MTR: variants seen among roughly 807,000 people sequenced by gnomAD.
MTR encodes the protein methionine synthase.
A neutral mutation model predicts 154.8 loss-of-function variants in MTR; 84 were observed. The ratio of observed to expected loss-of-function variants is 0.54; its 90% CI spans 0.45 to 0.65. The LOEUF (loss-of-function observed/expected upper bound fraction) is 0.65. MTR is among the 30% of genes least tolerant of loss of function. The pLI is 0.00. For synonymous variants in MTR, 554 were observed against 553.9 expected, an observed-to-expected ratio of 1.00 and a Z score of 0.00; for missense variants, 1,275 against 1,570.2, an observed-to-expected ratio of 0.81 and a Z score of 3.18.
In MTR at chr1:236,795,562, GA is replaced by G. The variant is rs769056665; in HGVS notation, c.-141del. 48 of 1,554,886 alleles carry G rather than the reference GA, an allele frequency of 3.1e-5. No homozygotes were observed. The African/African-American group carries it at 6.4e-4, about 21-fold the overall frequency. ...GGGGTCCGCAGTCCCCCCGCGACGC[GA>G]GCCAACGGGAGGCGTCAAAAGACCC... On this transcript the variant is annotated 5_prime_UTR_variant, in exon 1 of 33. Transcript: ENST00000366577.
At chr1:236,812,684 G>A in intron 5 of MTR, 54 bp from the exon 6 acceptor site, 1 of 1,394,342 alleles carries the variant, frequency 7.2e-7, no homozygotes, top group Non-Finnish European at 1.0e-6. Flanking sequence ...ATACCCTAGG[G>A]CCATTCAGAG....
In MTR at chr1:236,894,510, G is replaced by A. The variant is rs1167108696; in HGVS notation, c.3358G>A (p.Asp1120Asn). Residue 1120 changes from aspartate to asparagine, a missense_variant, in exon 30 of 33, where the codon GAC becomes AAC. Transcript: ENST00000366577. ...LSKAYEDDGD[D>N]YSSIMVKALG... ...CAAGGCCTATGAGGATGATGGTGAC[G>A]ACTACAGCAGCATCATGGTCAAGGC... is the stretch of plus-strand genomic sequence containing the variant. The A allele has an allele frequency of 3.7e-6, 6 of 1,614,012 alleles. No individual in the cohort carries two copies. Among genetic ancestry groups the A allele is most frequent in the Admixed American group, 1.7e-5 (1 of 59,998 alleles).
chr1:236,892,224 C>T (rs1312388005), intron 29 of MTR, among the ~76,000 whole-genome samples: 1 of 152,180 alleles, frequency 6.6e-6, no homozygotes, highest in African/African-American at 2.4e-5. Context: ...GTAATCCCAG[C>T]ACTTTGAGAG....
At chr1:236,847,550 T>C (rs886647203) in intron 15 of MTR, among the ~76,000 whole-genome samples, 1 of 152,264 alleles carries the variant, frequency 6.6e-6, no homozygotes, top group African/African-American at 2.4e-5. Flanking sequence ...TTGATAAAGC[T>C]ATAAATGGCA....
chr1:236,832,174 G>A, intron 13 of MTR, 96 bp downstream of exon 13: 1 of 990,076 alleles, frequency 1.0e-6, no homozygotes, highest in Admixed American at 1.9e-5. Context: ...AGTGTTATTA[G>A]CAGAGCTGCT....
chr1:236,883,322 C>T (rs762272637), intron 25 of MTR, among the ~76,000 whole-genome samples: 3 of 152,106 alleles, frequency 2.0e-5, no homozygotes, highest in Non-Finnish European at 4.4e-5. Flanking sequence ...AACTTGTTTC[C>T]GTCAAGTAAG....
intron 15 of MTR, among the ~76,000 whole-genome samples, chr1:236,843,086 CAA>C (rs563953592): frequency 1.2e-4 from 9 of 74,526 alleles, no homozygotes; most frequent in Middle Eastern, 9.1e-3. Flanking sequence ...ACTCTGTCTC[CAA>C]AAAAAAAAAA....
At chr1:236,873,678 G>T in intron 22 of MTR, 95 bp from the exon 23 acceptor site, 1 of 988,484 alleles carries the variant, frequency 1.0e-6, no homozygotes, top group South Asian at 1.3e-5. Flanking sequence ...GTTTACATTA[G>T]AGCAGTATTT....
chr1:236,878,949 C>G (rs530815685), intron 24 of MTR, among the ~76,000 whole-genome samples: 1 of 152,238 alleles, frequency 6.6e-6, no homozygotes, highest in Non-Finnish European at 1.5e-5. Flanking sequence ...GCTCAGTTCT[C>G]ATAGCCTAAG....
At chr1:236,883,350 G>A (rs1373895463) in intron 25 of MTR, among the ~76,000 whole-genome samples, 1 of 152,190 alleles carries the variant, frequency 6.6e-6, no homozygotes, top group Non-Finnish European at 1.5e-5. Context: ...GGGCCAGAAG[G>A]GGCCTGCCAC....
chr1:236,845,579 G>A (rs1572253371), intron 15 of MTR, among the ~76,000 whole-genome samples: 2 of 152,210 alleles, frequency 1.3e-5, no homozygotes, highest in African/African-American at 4.8e-5. Flanking sequence ...AACAGCATAA[G>A]GATACTGTAT....
chr1:236,813,403 T>G (rs904687811), intron 6 of MTR, among the ~76,000 whole-genome samples: 3 of 152,230 alleles, frequency 2.0e-5, no homozygotes, highest in Admixed American at 1.3e-4. Context: ...CAAGTTAAAT[T>G]GCTGAATCAA....
intron 21 of MTR, 125 bp downstream of exon 21, chr1:236,862,468 T>A (rs1664599032): frequency 1.4e-6 from 1 of 737,308 alleles, no homozygotes; most frequent in Non-Finnish European, 2.4e-6. Context: ...AGAGAAATGA[T>A]CCCACATCTC....
intron 18 of MTR, 87 bp from the exon 19 acceptor site, chr1:236,859,746 G>GT (rs978370752): frequency 4.7e-6 from 5 of 1,059,492 alleles, no homozygotes; most frequent in Non-Finnish European, 7.4e-6. Context: ...TAAGACACAG[G>GT]TTTTTTTGTT....
In MTR at chr1:236,852,524, A is replaced by G. The variant is rs1173247715; in HGVS notation, c.1699A>G (p.Thr567Ala). ...FIHATKVIKE[T>A]LPGARISGGL... The stretch of plus-strand genomic sequence containing the variant: ...CATATTTTAAAATTTTTGCCAGGAA[A>G]CATTACCTGGAGCCAGAATAAGTGG... The change falls in exon 17 of 33, where the codon ACA becomes GCA. Residue 567 changes from threonine to alanine, a missense_variant. By Grantham distance (58) the Thr-to-Ala change is moderately conservative (BLOSUM62 0). Coordinates refer to ENST00000366577, the MANE Select transcript of MTR (RefSeq NM_000254.3). The G allele has an allele frequency of 1.4e-5, 22 of 1,613,410 alleles. No homozygotes were observed. Among genetic ancestry groups the G allele is most frequent in the Non-Finnish European group, 1.8e-5 (21 of 1,179,508 alleles).
rs1032835839 is a variant in MTR, at chr1:236,901,717, G to A, written c.*4073G>A. 6.6e-6 allele frequency: 1 copy of A among 152,224 alleles called. No homozygotes were observed. The highest frequency in any genetic ancestry group is 2.4e-5 in the African/African-American group (1 of 41,440). The allele number at this position is 152,224 out of a possible 1,614,324, so 9.4% of individuals were successfully genotyped here. ...GCTTCTCATGTTCTCACAGTGGGTGGAGGGTAAGCTTGCTCTCTGGCCTCC... is the reference window on the plus strand; with the variant it reads ...GCTTCTCATGTTCTCACAGTGGGTGAAGGGTAAGCTTGCTCTCTGGCCTCC... On this transcript the variant is annotated 3_prime_UTR_variant, in exon 33 of 33. Coordinates refer to ENST00000366577, the MANE Select transcript of MTR (RefSeq NM_000254.3).
chr1:236,830,437 G>A (rs1055398948), intron 12 of MTR, among the ~76,000 whole-genome samples: 1 of 152,096 alleles, frequency 6.6e-6, no homozygotes, highest in Non-Finnish European at 1.5e-5. Context: ...TTATATGTAA[G>A]AATAAAAGAA....
chr1:236,849,216 A>C (rs897623433), intron 15 of MTR, among the ~76,000 whole-genome samples: 1 of 152,238 alleles, frequency 6.6e-6, no homozygotes, highest in Admixed American at 6.5e-5. Context: ...TTTGAGTAAA[A>C]GCAGCATTCA....
At chr1:236,852,825 G>T in intron 17 of MTR, 123 bp from the exon 18 acceptor site, 1 of 1,221,414 alleles carries the variant, frequency 8.2e-7, no homozygotes. Flanking sequence ...CTACAAAGTT[G>T]AGTAGCTGTG....
Sources: allele counts gnomAD v4.1 joint callset (sites outside exome capture counted in the v4.1 genomes callset), GRCh38; gene constraint gnomAD v4.1.1; transcripts MANE v1.5; gene names NCBI Gene and HGNC (gene_info 2026-07-23, HGNC 2026-07-21).